The following TWIST2 variants were observed in gnomAD, a reference collection of about 807,000 sequenced individuals.
TWIST2 encodes twist family bHLH transcription factor 2.
TWIST2 carries 1 observed loss-of-function variant against 11.6 expected under a neutral mutation model. The observed-to-expected ratio is 0.09, with a 90% CI of 0.03 to 0.41. The LOEUF (loss-of-function observed/expected upper bound fraction) is 0.41, where lower values mean the gene tolerates loss of function less well. TWIST2 is among the 10% of genes least tolerant of loss of function. The pLI is 0.98. For missense variants in TWIST2, 168 were observed against 226.4 expected (o/e 0.74, Z 1.66); for synonymous variants, 87 against 96.6 (o/e 0.90, Z 0.58).
intron 1 of TWIST2, among the ~76,000 whole-genome samples, chr2:238,881,136 G>T (rs1385598376): frequency 9.7e-6 from 1 of 103,002 alleles, no homozygotes; most frequent in Non-Finnish European, 1.9e-5. Flanking sequence ...ATTAGTATTA[G>T]TATTACTGTT....
intron 1 of TWIST2, among the ~76,000 whole-genome samples, chr2:238,900,538 T>A (rs1444877341): frequency 6.6e-6 from 1 of 152,230 alleles, no homozygotes; most frequent in East Asian, 1.9e-4. Flanking sequence ...TACCTTTCCT[T>A]TGGACAGAAG....
rs982830666 is a variant in TWIST2, at chr2:238,852,959, G to A, written c.*35+4226G>A. 3.3e-5 allele frequency among the ~76,000 whole-genome samples: 5 copies of A among 152,236 alleles called. No individual in the cohort carries two copies. The South Asian group carries it at 8.3e-4, about 25-fold the overall frequency. On this transcript the variant is annotated intron_variant, in intron 1 of 1. Coordinates refer to ENST00000612363, the MANE Select transcript of TWIST2 (RefSeq NM_001271893.4). ...GAAATTACTACTAAGATTTATCTCA[G>A]AGTAATAAACTAAAAATGTGACTTG...
At chr2:238,855,990 C>T (rs1325083874) in intron 1 of TWIST2, among the ~76,000 whole-genome samples, 1 of 152,178 alleles carries the variant, frequency 6.6e-6, no homozygotes, top group Non-Finnish European at 1.5e-5. Context: ...CCCTAAGAAT[C>T]CCAGGGTGCC....
At chr2:238,852,297 T>C (rs1024334115) in intron 1 of TWIST2, among the ~76,000 whole-genome samples, 1 of 152,216 alleles carries the variant, frequency 6.6e-6, no homozygotes, top group African/African-American at 2.4e-5. Context: ...GCTTAGTATT[T>C]ATATTAATCT....
At position 238,867,412 on chromosome 2, in the gene TWIST2, CT is replaced by C. The variant is rs1488244836; in HGVS notation, c.*35+18680del. On this transcript the variant is annotated intron_variant, in intron 1 of 1. Coordinates refer to ENST00000612363, the MANE Select transcript of TWIST2 (RefSeq NM_001271893.4). This position sits in a 1 kb window ranked among gnomAD's most constrained non-coding sequence, Gnocchi z 4.8. Reference sequence around the variant, plus strand: ...ACACACACACACACACACACACACACTCCTCAGTAAAATACCCAGTTCTCAC... The same window carrying C: ...ACACACACACACACACACACACACACCCTCAGTAAAATACCCAGTTCTCAC... Among the ~76,000 whole-genome samples the C allele has an allele frequency of 3.6e-4, 52 of 144,126 alleles. No individual in the cohort carries two copies. Among genetic ancestry groups the C allele is most frequent in the African/African-American group, 5.0e-4 (20 of 40,284 alleles). 94.6% of individuals were successfully genotyped at this position (144,126 alleles called of 152,430 possible).
At chr2:238,852,293 T>C (rs1015947398) in intron 1 of TWIST2, among the ~76,000 whole-genome samples, 1 of 152,228 alleles carries the variant, frequency 6.6e-6, no homozygotes, top group African/African-American at 2.4e-5. Flanking sequence ...TTAAGCTTAG[T>C]ATTTATATTA....
intron 1 of TWIST2, among the ~76,000 whole-genome samples, chr2:238,896,006 G>A (rs1443759812): frequency 2.6e-5 from 4 of 152,204 alleles, no homozygotes; most frequent in African/African-American, 9.6e-5. Flanking sequence ...TGAAGTCCTC[G>A]CTCCCCTGGA....
intron 1 of TWIST2, among the ~76,000 whole-genome samples, chr2:238,902,649 G>GTGTGTGTGTGA (rs1368461547): frequency 7.2e-6 from 1 of 139,018 alleles, no homozygotes; most frequent in African/African-American, 2.8e-5. Context: ...GTGTGTGATG[G>GTGTGTGTGTGA]TGTGTGTGTG....
rs749504323 is a variant in TWIST2, at chr2:238,867,608, A to G, written c.*35+18875A>G. Reference sequence around the variant, plus strand: ...CTTTGGCACAGGCCTGGCACGGAGGAGCTGTCAGCAAGCAGGCGTCCGAAG... The same window carrying G: ...CTTTGGCACAGGCCTGGCACGGAGGGGCTGTCAGCAAGCAGGCGTCCGAAG... On this transcript the variant is annotated intron_variant, in intron 1 of 1. Transcript: ENST00000612363. This position sits in a 1 kb window ranked among gnomAD's most constrained non-coding sequence, Gnocchi z 4.8. Among the ~76,000 whole-genome samples, 12 of 152,108 alleles carry G rather than the reference A, an allele frequency of 7.9e-5. No homozygotes were observed. The highest frequency in any genetic ancestry group is 1.2e-4 in the Non-Finnish European group (8 of 68,032).
chr2:238,864,423 C>G lies in TWIST2; in HGVS notation c.*35+15690C>G, dbSNP rs773195866. Among the ~76,000 whole-genome samples, 1 of 152,204 alleles carries G rather than the reference C, an allele frequency of 6.6e-6. No homozygotes were observed. Among genetic ancestry groups the G allele is most frequent in the Non-Finnish European group, 1.5e-5 (1 of 68,046 alleles). Reference sequence around the variant, plus strand: ...ACTGGGAGCAGGAGTGACTCAGAGCCGTGGCTTTTTGTCCTCTGGCTGTGC... The same window carrying G: ...ACTGGGAGCAGGAGTGACTCAGAGCGGTGGCTTTTTGTCCTCTGGCTGTGC... On this transcript the variant is annotated intron_variant, in intron 1 of 1. Coordinates refer to ENST00000612363, the MANE Select transcript of TWIST2 (RefSeq NM_001271893.4). This position sits in a 1 kb window ranked among gnomAD's most constrained non-coding sequence, Gnocchi z 4.7.
At chr2:238,892,901 C>T (rs999575114) in intron 1 of TWIST2, among the ~76,000 whole-genome samples, 3 of 152,340 alleles carry the variant, frequency 2.0e-5, no homozygotes, top group Non-Finnish European at 4.4e-5. Flanking sequence ...ATGTGTTTCT[C>T]AACAGAGATC....
chr2:238,891,903 A>G (rs62191087), intron 1 of TWIST2, among the ~76,000 whole-genome samples: 133,427 of 152,156 alleles, frequency 0.88, 58,543 homozygotes, highest in East Asian at 0.94. Flanking sequence ...GCGTGTGGGA[A>G]GATTGGGCTA....
chr2:238,881,371 GTATT>G (rs1479362439), intron 1 of TWIST2, among the ~76,000 whole-genome samples: 8 of 150,954 alleles, frequency 5.3e-5, no homozygotes, highest in Non-Finnish European at 8.8e-5. Flanking sequence ...GTTAGTGTTA[GTATT>G]TATTAGTATT....
At chr2:238,904,314 A>T (rs1421534051) in intron 1 of TWIST2, among the ~76,000 whole-genome samples, 2 of 111,532 alleles carry the variant, frequency 1.8e-5, no homozygotes, top group Non-Finnish European at 3.7e-5. Context: ...GTCTAATGTG[A>T]GGTGTGTGTG....
At chr2:238,902,527 GT>G in intron 1 of TWIST2, among the ~76,000 whole-genome samples, 1 of 55,572 alleles carries the variant, frequency 1.8e-5, no homozygotes, top group South Asian at 5.5e-4. Context: ...GTAGTATGGG[GT>G]GTGTGTGTGG....
intron 1 of TWIST2, among the ~76,000 whole-genome samples, chr2:238,896,367 G>C (rs1233395560): frequency 4.6e-5 from 7 of 152,236 alleles, no homozygotes; most frequent in Admixed American, 4.6e-4. Context: ...GGCTGCGCTG[G>C]AATCACAGGC....
At chr2:238,903,019 A>G (rs1693294967) in intron 1 of TWIST2, among the ~76,000 whole-genome samples, 1 of 5,626 alleles carries the variant, frequency 1.8e-4, no homozygotes, top group Admixed American at 2.4e-3. Flanking sequence ...GGTGTGTGTG[A>G]TGTGGGTGTG....
chr2:238,867,370 A>AACAC lies in TWIST2; in HGVS notation c.*35+18676_*35+18679dup, dbSNP rs1229428285. The stretch of plus-strand genomic sequence containing the variant: ...CTGGGGAGTAAAATGTCCTGCCTTC[A>AACAC]ACACACACACACACACACACACACA... On this transcript the variant is annotated intron_variant, in intron 1 of 1. Coordinates refer to ENST00000612363, the MANE Select transcript of TWIST2 (RefSeq NM_001271893.4). The surrounding 1 kb of genome is among the most constrained non-coding windows in gnomAD (Gnocchi z 4.8). Among the ~76,000 whole-genome samples, 17,690 of 119,488 alleles carry AACAC rather than the reference A, an allele frequency of 0.15. 1,580 individuals are homozygous for AACAC. The highest frequency in any genetic ancestry group is 0.23 in the African/African-American group (7,044 of 30,340). 78.4% of individuals were successfully genotyped at this position (119,488 alleles called of 152,430 possible). A position where few individuals can be genotyped will look rare whatever the true frequency, so the allele number is the denominator to read the frequency against.
chr2:238,863,550 C>A lies in TWIST2; in HGVS notation c.*35+14817C>A, dbSNP rs967470183. On this transcript the variant is annotated intron_variant, in intron 1 of 1. Transcript: ENST00000612363. The surrounding 1 kb of genome is among the most constrained non-coding windows in gnomAD (Gnocchi z 4.7). ...ATGGCGCTTCATGATGGGACTGGCG[C>A]TCATCCTCACACTGTTAGTGTTAGC... Among the ~76,000 whole-genome samples the A allele has an allele frequency of 6.6e-6, 1 of 152,166 alleles. No homozygotes were observed. Among genetic ancestry groups the A allele is most frequent in the Admixed American group, 6.5e-5 (1 of 15,268 alleles).
Sources: gnomAD v4.1 joint callset for allele counts (sites outside exome capture counted in the v4.1 genomes callset) on GRCh38, gnomAD v4.1.1 for gene constraint, Gnocchi (gnomAD v3.1) non-coding constraint, MANE v1.5 for transcripts, NCBI Gene and HGNC (gene_info 2026-07-23, HGNC 2026-07-21) for gene names.